Variants in BICC1 observed in about 807,000 individuals in gnomAD.
BICC1 encodes BicC family RNA binding protein 1, also known as protein bicaudal C homolog 1.
In BICC1, 43 loss-of-function variants were observed where a neutral mutation model predicts 111.0. That is an observed-to-expected ratio of 0.39 (90% confidence interval 0.30 to 0.50). The LOEUF is 0.50. BICC1 is among the 20% of genes least tolerant of loss of function. The pLI, the probability that BICC1 is intolerant of heterozygous loss-of-function variation, is 0.88. For missense variants in BICC1, 1,091 were observed against 1,203.2 expected, an observed-to-expected ratio of 0.91 and a Z score of 1.38; for synonymous variants, 467 against 434.4, an observed-to-expected ratio of 1.07 and a Z score of -0.93.
At chr10:58,613,663 A>G (rs1845508041) in intron 1 of BICC1, among the ~76,000 whole-genome samples, 1 of 152,192 alleles carries the variant, frequency 6.6e-6, no homozygotes, top group Admixed American at 6.5e-5. Context: ...TCGGAGTGAA[A>G]TAATTAAGTT....
intron 5 of BICC1, among the ~76,000 whole-genome samples, 169 bp from the exon 6 acceptor site, chr10:58,788,201 A>G (rs1257529016): frequency 6.6e-6 from 1 of 152,144 alleles, no homozygotes; most frequent in East Asian, 1.9e-4. Flanking sequence ...ATTCTGATTA[A>G]GCAGGTCTGG....
intron 1 of BICC1, among the ~76,000 whole-genome samples, chr10:58,616,015 G>A (rs1455710564): frequency 6.6e-6 from 1 of 152,172 alleles, no homozygotes; most frequent in Admixed American, 6.5e-5. Context: ...TGCAGGCTGG[G>A]TGCCTGGAGG....
chr10:58,542,168 A>AAC (rs1554803887), intron 1 of BICC1, among the ~76,000 whole-genome samples: 51 of 129,100 alleles, frequency 4.0e-4, no homozygotes, highest in African/African-American at 1.8e-3. Context: ...AAAAAAAAAC[A>AAC]AAAAAAAAAA....
intron 1 of BICC1, among the ~76,000 whole-genome samples, chr10:58,572,584 G>T (rs1285628063): frequency 6.6e-6 from 1 of 152,022 alleles, no homozygotes; most frequent in Admixed American, 6.6e-5. Flanking sequence ...GTTGATATGA[G>T]CAAACTTTAT....
In BICC1 at chr10:58,709,450, T is replaced by C. The variant is rs114712776; in HGVS notation, c.307+7307T>C. 3.9e-3 allele frequency among the ~76,000 whole-genome samples: 596 copies of C among 152,318 alleles called. 2 individuals carry two copies. Among genetic ancestry groups the C allele is most frequent in the African/African-American group, 0.014 (569 of 41,576 alleles). On this transcript the variant is annotated intron_variant, in intron 3 of 20. Coordinates refer to ENST00000373886, the MANE Select transcript of BICC1 (RefSeq NM_001080512.3). ...CATGATATAAAATGGATGACAAAGG[T>C]TGTAGAACACTGTGCTAGGTGGTCA...
chr10:58,706,495 TA>T (rs1007078020), intron 3 of BICC1, among the ~76,000 whole-genome samples: 2 of 152,156 alleles, frequency 1.3e-5, no homozygotes. Context: ...AGTCTCTTCT[TA>T]GACTGGCGAA....
chr10:58,599,765 C>G (rs1038383064), intron 1 of BICC1, among the ~76,000 whole-genome samples: 4 of 152,112 alleles, frequency 2.6e-5, no homozygotes, highest in Non-Finnish European at 5.9e-5. Flanking sequence ...GTTCAAGGCA[C>G]ATCTCTATGA....
At chr10:58,658,618 T>C (rs7078040) in intron 2 of BICC1, among the ~76,000 whole-genome samples, 151,329 of 152,284 alleles carry the variant, frequency 0.99, 75,198 homozygotes, top group Middle Eastern at 1. Context: ...TATCAAATTG[T>C]TTATTCGTTT....
At chr10:58,519,982 G>A (rs1649031) in intron 1 of BICC1, among the ~76,000 whole-genome samples, 82,083 of 152,040 alleles carry the variant, frequency 0.54, 23,230 homozygotes, top group African/African-American at 0.71. Flanking sequence ...GACAGGTTCA[G>A]TGTAGTTCAT....
chr10:58,611,602 A>G (rs937767491), intron 1 of BICC1, among the ~76,000 whole-genome samples: 1 of 151,584 alleles, frequency 6.6e-6, no homozygotes, highest in Non-Finnish European at 1.5e-5. Flanking sequence ...CAGCCTCCCA[A>G]GTAGCTGGGA....
chr10:58,595,152 C>T (rs1844770201), intron 1 of BICC1, among the ~76,000 whole-genome samples: 1 of 152,126 alleles, frequency 6.6e-6, no homozygotes, highest in Non-Finnish European at 1.5e-5. Flanking sequence ...ATCAATGCAG[C>T]AAGAAGAGCT....
intron 2 of BICC1, among the ~76,000 whole-genome samples, chr10:58,676,601 G>A (rs1463725709): frequency 1.3e-5 from 2 of 152,200 alleles, no homozygotes; most frequent in Non-Finnish European, 2.9e-5. Flanking sequence ...CTGGGGAAAG[G>A]GGTGGCTGTG....
intron 1 of BICC1, among the ~76,000 whole-genome samples, chr10:58,524,558 A>T (rs1842478663): frequency 6.6e-6 from 1 of 152,242 alleles, no homozygotes; most frequent in Admixed American, 6.5e-5. Context: ...TCAAAAATTA[A>T]TTCAAGATTG....
chr10:58,820,296 C>T, intron 19 of BICC1, 73 bp from the exon 20 acceptor site: 1 of 993,814 alleles, frequency 1.0e-6, no homozygotes, highest in Non-Finnish European at 1.6e-6. Context: ...AGTGTGACAA[C>T]AAGTTGATCC....
At chr10:58,683,751 T>A (rs1839616639) in intron 2 of BICC1, among the ~76,000 whole-genome samples, 1 of 152,228 alleles carries the variant, frequency 6.6e-6, no homozygotes, top group Admixed American at 6.5e-5. Context: ...CTGAAGTTGC[T>A]TATCAGCTTA....
intron 1 of BICC1, among the ~76,000 whole-genome samples, chr10:58,523,246 A>C (rs1278783481): frequency 6.6e-6 from 1 of 152,136 alleles, no homozygotes; most frequent in Non-Finnish European, 1.5e-5. Flanking sequence ...GCAGAGCACA[A>C]CAAAAAAAGG....
At chr10:58,536,372 A>C (rs534518397) in intron 1 of BICC1, among the ~76,000 whole-genome samples, 5 of 151,866 alleles carry the variant, frequency 3.3e-5, no homozygotes, top group African/African-American at 1.2e-4. Context: ...AATCACATCA[A>C]CCATATTCTC....
At chr10:58,601,031 T>TC (rs1225093770) in intron 1 of BICC1, among the ~76,000 whole-genome samples, 3 of 151,028 alleles carry the variant, frequency 2.0e-5, no homozygotes, top group South Asian at 2.1e-4. Flanking sequence ...ATCCTTTTTT[T>TC]CTCACAAATG....
At chr10:58,663,716 C>T (rs1040277587) in intron 2 of BICC1, among the ~76,000 whole-genome samples, 5 of 152,268 alleles carry the variant, frequency 3.3e-5, no homozygotes, top group South Asian at 4.2e-4. Flanking sequence ...AGTTTCATCC[C>T]GAAACCATCT....
Sources: allele counts gnomAD v4.1 joint callset (sites outside exome capture counted in the v4.1 genomes callset), GRCh38; gene constraint gnomAD v4.1.1; transcripts MANE v1.5; gene names NCBI Gene and HGNC (gene_info 2026-07-23, HGNC 2026-07-21).